PCDHGB3: variants seen among roughly 807,000 people sequenced by gnomAD.
PCDHGB3 encodes the protein protocadherin gamma-B3.
Under a neutral mutation model 59.2 loss-of-function variants are expected in PCDHGB3, and 40 were observed. The observed-to-expected ratio is 0.68, with a 90% CI of 0.52 to 0.88. The LOEUF is 0.88. Ranked by LOEUF, PCDHGB3 falls within the 40% of genes least tolerant of loss-of-function variation. PCDHGB3 has a pLI of 0.00. For missense variants in PCDHGB3, 1,309 were observed against 1,187.9 expected, an observed-to-expected ratio of 1.10 and a Z score of -1.50; for synonymous variants, 581 against 503.6, an observed-to-expected ratio of 1.15 and a Z score of -2.06.
Position 141,510,868 on chromosome 5 carries a change from T to C in PCDHGB3, c.2564-79T>C, listed in dbSNP as rs2099883142. 40 of 1,608,466 alleles carry C rather than the reference T, an allele frequency of 2.5e-5. No homozygotes were observed. The Middle Eastern group carries it at 4.9e-4, about 20-fold the overall frequency. On this transcript the variant is annotated intron_variant, in intron 3 of 3. Transcript: ENST00000576222. The stretch of plus-strand genomic sequence containing the variant: ...GCCCAGGGTGCTGTATAGGCATTCA[T>C]TAACTGCTGGGGATATAAGACAGTG...
chr5:141,422,140 C>T (rs1275997338), intron 1 of PCDHGB3: 15 of 1,586,774 alleles, frequency 9.5e-6, no homozygotes, highest in Non-Finnish European at 1.3e-5. Flanking sequence ...AGTTCAAGTA[C>T]GGGGGTCTCT....
chr5:141,393,360 C>T, intron 1 of PCDHGB3: 1 of 1,613,968 alleles, frequency 6.2e-7, no homozygotes, highest in Non-Finnish European at 8.5e-7. Flanking sequence ...CCTGGACGTG[C>T]AGACTGGAGA....
At chr5:141,478,161 C>T (rs201111122) in intron 1 of PCDHGB3, 20 of 1,613,852 alleles carry the variant, frequency 1.2e-5, no homozygotes, top group Admixed American at 3.3e-5. Context: ...TCTGGCTCTG[C>T]CCCCCGGGAG....
intron 1 of PCDHGB3, chr5:141,405,001 C>A: frequency 1.9e-6 from 3 of 1,614,008 alleles, no homozygotes; most frequent in Non-Finnish European, 2.5e-6. Flanking sequence ...TCCCTGCAGA[C>A]CTGGAGGCCT....
intron 1 of PCDHGB3, among the ~76,000 whole-genome samples, chr5:141,465,116 C>A (rs2099097321): frequency 6.6e-6 from 1 of 150,972 alleles, no homozygotes; most frequent in Non-Finnish European, 1.5e-5. Context: ...AGTGTTTTAG[C>A]CTAAATTTGT....
intron 1 of PCDHGB3, chr5:141,410,797 C>T: frequency 3.0e-6 from 2 of 675,992 alleles, no homozygotes; most frequent in South Asian, 3.2e-5. Flanking sequence ...TCATAAGTTG[C>T]TCTATCTTTT....
chr5:141,421,863 C>T (rs767555107), intron 1 of PCDHGB3: 1 of 1,613,746 alleles, frequency 6.2e-7, no homozygotes, highest in Non-Finnish European at 8.5e-7. Flanking sequence ...ACCTGCTCCT[C>T]CTCACAGCTT....
At position 141,431,140 on chromosome 5, in the gene PCDHGB3, C is replaced by T. The variant is rs145692116; in HGVS notation, c.2415+58331C>T. 2.4e-5 allele frequency: 38 copies of T among 1,614,208 alleles called. No individual in the cohort carries two copies. Among genetic ancestry groups the T allele is most frequent in the Admixed American group, 3.3e-5 (2 of 60,038 alleles). On this transcript the variant is annotated intron_variant, in intron 1 of 3. Coordinates refer to ENST00000576222, the MANE Select transcript of PCDHGB3 (RefSeq NM_018924.5). This position sits in a 1 kb window ranked among gnomAD's most constrained non-coding sequence, Gnocchi z 4.8. ...TAGAAGTAGAAGTAAGGGACATTAA[C>T]GACAATGCGCCTTACTTTCGTGAAA...
intron 1 of PCDHGB3, chr5:141,478,484 C>T (rs376021397): frequency 6.2e-7 from 1 of 1,613,458 alleles, no homozygotes; most frequent in South Asian, 1.1e-5. Flanking sequence ...GAACACGCTG[C>T]GGAGCTGTGA....
chr5:141,404,909 C>G, intron 1 of PCDHGB3: 1 of 1,613,916 alleles, frequency 6.2e-7, no homozygotes, highest in Non-Finnish European at 8.5e-7. Flanking sequence ...TGGCCAGCCC[C>G]CTCTCTCGGC....
At chr5:141,478,050 CG>C in intron 1 of PCDHGB3, 1 of 1,614,184 alleles carries the variant, frequency 6.2e-7, no homozygotes, top group Non-Finnish European at 8.5e-7. Context: ...CAGACTCTCA[CG>C]GTCTTGATCA....
Position 141,394,523 on chromosome 5 carries a change from C to A in PCDHGB3, c.2415+21714C>A, listed in dbSNP as rs373702756. ...TCCTGTACCCCGCCCTCCCCACAGACGGTTCCACTGGCGTGGAGCTGGCGC... is the reference window on the plus strand; with the variant it reads ...TCCTGTACCCCGCCCTCCCCACAGAAGGTTCCACTGGCGTGGAGCTGGCGC... On this transcript the variant is annotated intron_variant, in intron 1 of 3. Transcript: ENST00000576222. The A allele has an allele frequency of 1.1e-5, 17 of 1,614,116 alleles. No homozygotes were observed. The highest frequency in any genetic ancestry group is 5.3e-5 in the African/African-American group (4 of 74,950).
intron 1 of PCDHGB3, among the ~76,000 whole-genome samples, chr5:141,437,156 G>A (rs2097864365): frequency 6.6e-6 from 1 of 152,172 alleles, no homozygotes. Flanking sequence ...TAACATATGT[G>A]TTGATTGTTT....
At chr5:141,429,091 T>A (rs985605582) in intron 1 of PCDHGB3, 2 of 152,160 alleles carry the variant, frequency 1.3e-5, no homozygotes, top group African/African-American at 4.8e-5. Flanking sequence ...CCTGACCTCG[T>A]GATCTGCCCG....
intron 1 of PCDHGB3, 88 bp from the exon 2 acceptor site, chr5:141,494,719 C>T: frequency 6.2e-7 from 1 of 1,605,960 alleles, no homozygotes; most frequent in Non-Finnish European, 8.5e-7. Flanking sequence ...CCACTCCCCT[C>T]CTTCTCTCCC....
chr5:141,376,772 C>T lies in PCDHGB3; in HGVS notation c.2415+3963C>T, dbSNP rs911404342. ...CGCAATCTCGGCTCACTGCAAGCTC[C>T]GCTTCCCGGGTTCACGCCATTCTCC... On this transcript the variant is annotated intron_variant, in intron 1 of 3. Transcript: ENST00000576222. The T allele has an allele frequency of 8.2e-5, 34 of 412,628 alleles. 1 individual carries two copies. The highest frequency in any genetic ancestry group is 3.9e-4 in the Admixed American group (9 of 23,202). 25.6% of individuals were successfully genotyped at this position (412,628 alleles called of 1,614,324 possible).
intron 1 of PCDHGB3, chr5:141,409,039 C>G: frequency 1.9e-6 from 3 of 1,614,004 alleles, no homozygotes; most frequent in Non-Finnish European, 1.7e-6. Flanking sequence ...AGATAAACTA[C>G]TACTTCCGAA....
At chr5:141,399,834 G>A (rs375768001) in intron 1 of PCDHGB3, 3 of 1,613,004 alleles carry the variant, frequency 1.9e-6, no homozygotes, top group African/African-American at 2.7e-5. Flanking sequence ...ACGGCTCTGC[G>A]CTCTTCGATA....
intron 1 of PCDHGB3, chr5:141,424,778 T>G (rs1009835492): frequency 1.3e-5 from 2 of 152,166 alleles, no homozygotes; most frequent in African/African-American, 4.8e-5. Flanking sequence ...AATAGTACAT[T>G]CAGTTCTTTT....
Sources: allele counts gnomAD v4.1 joint callset (sites outside exome capture counted in the v4.1 genomes callset), GRCh38; gene constraint gnomAD v4.1.1; non-coding constraint Gnocchi (gnomAD v3.1); transcripts MANE v1.5; gene names NCBI Gene and HGNC (gene_info 2026-07-23, HGNC 2026-07-21).